Variants in DTNA observed in about 807,000 individuals in gnomAD.
DTNA encodes the protein dystrophin-related protein 3.
In DTNA, 43 loss-of-function variants were observed where a neutral mutation model predicts 100.7. The observed-to-expected ratio is 0.43, with a 90% CI of 0.33 to 0.55. The LOEUF is 0.55. Ranked by LOEUF, DTNA falls within the 20% of genes least tolerant of loss-of-function variation. The pLI, the probability that DTNA is intolerant of heterozygous loss-of-function variation, is 0.04. For synonymous variants in DTNA, 349 were observed against 347.9 expected (o/e 1.00, Z -0.04); for missense variants, 798 against 953.9 (o/e 0.84, Z 2.15).
chr18:34,620,774 G>T (rs1018763219), intron 1 of DTNA, among the ~76,000 whole-genome samples: 1 of 152,078 alleles, frequency 6.6e-6, no homozygotes, highest in Non-Finnish European at 1.5e-5. Flanking sequence ...ATGAGAAACT[G>T]CCCCTATGAT....
At chr18:34,667,850 A>G (rs1177493435) in intron 1 of DTNA, among the ~76,000 whole-genome samples, 1 of 152,192 alleles carries the variant, frequency 6.6e-6, no homozygotes, top group African/African-American at 2.4e-5. Context: ...GGATTTTTGC[A>G]TCGATGTTCA....
chr18:34,875,452 C>T, intron 18 of DTNA, 54 bp downstream of exon 18: 1 of 1,610,818 alleles, frequency 6.2e-7, no homozygotes, highest in South Asian at 1.1e-5. Context: ...AATAGGTCAC[C>T]AAGGTCTATT....
At chr18:34,847,986 T>A (rs2096410256) in intron 13 of DTNA, among the ~76,000 whole-genome samples, 1 of 152,092 alleles carries the variant, frequency 6.6e-6, no homozygotes. Flanking sequence ...AAAGAAAAAA[T>A]GTTAAAGGCA....
chr18:34,712,360 G>A (rs1304668406), intron 1 of DTNA, among the ~76,000 whole-genome samples: 1 of 151,876 alleles, frequency 6.6e-6, no homozygotes, highest in Non-Finnish European at 1.5e-5. Flanking sequence ...TAAAATACAT[G>A]ATAAAGTATA....
chr18:34,529,689 C>T (rs1427981293), intron 1 of DTNA, among the ~76,000 whole-genome samples: 1 of 152,078 alleles, frequency 6.6e-6, no homozygotes, highest in Non-Finnish European at 1.5e-5. Flanking sequence ...CGTTGTCATA[C>T]AGTTATATTT....
At chr18:34,739,662 C>T (rs376030105) in intron 1 of DTNA, among the ~76,000 whole-genome samples, 177 of 152,298 alleles carry the variant, frequency 1.2e-3, no homozygotes, top group African/African-American at 4.1e-3. Context: ...GAAGGAGGAA[C>T]TGGCTCAAAG....
At chr18:34,697,283 A>G (rs1229358888) in intron 1 of DTNA, among the ~76,000 whole-genome samples, 1 of 152,224 alleles carries the variant, frequency 6.6e-6, no homozygotes, top group Non-Finnish European at 1.5e-5. Context: ...TGCAGTAAAC[A>G]AGTAGTGGAC....
chr18:34,667,910 G>T (rs1481536889), intron 1 of DTNA, among the ~76,000 whole-genome samples: 3 of 152,130 alleles, frequency 2.0e-5, no homozygotes, highest in Non-Finnish European at 2.9e-5. Context: ...TCTCTGCCAG[G>T]CTTTGGCATC....
At position 34,805,985 on chromosome 18, in the gene DTNA, A is replaced by G. The variant is rs542364992; in HGVS notation, c.363-234A>G. On this transcript the variant is annotated intron_variant, in intron 4 of 22. Transcript: ENST00000444659. ...AGTGACATATACAAAGAATAAGCTA[A>G]GAGATTCTGATGTCTCTTAAGGAAA... Among the ~76,000 whole-genome samples, 5 of 152,370 alleles carry G rather than the reference A, an allele frequency of 3.3e-5. No homozygotes were observed. In the South Asian group the frequency reaches 8.3e-4, roughly 25 times the overall value.
At chr18:34,657,335 T>C (rs1446998857) in intron 1 of DTNA, among the ~76,000 whole-genome samples, 1 of 152,206 alleles carries the variant, frequency 6.6e-6, no homozygotes, top group Non-Finnish European at 1.5e-5. Context: ...ATGGTACTTT[T>C]TTGGTATTGC....
intron 1 of DTNA, among the ~76,000 whole-genome samples, chr18:34,525,876 C>G (rs1470949273): frequency 6.6e-6 from 1 of 152,158 alleles, no homozygotes; most frequent in Non-Finnish European, 1.5e-5. Context: ...TGTATTTACC[C>G]TGGCTGTGAA....
intron 1 of DTNA, among the ~76,000 whole-genome samples, chr18:34,548,489 C>T (rs932810364): frequency 3.3e-5 from 5 of 152,076 alleles, no homozygotes; most frequent in African/African-American, 4.8e-5. Flanking sequence ...TTTTATAAGG[C>T]ATTTTACAAT....
At chr18:34,820,009 C>T (rs1041800360) in intron 8 of DTNA, among the ~76,000 whole-genome samples, 1 of 142,898 alleles carries the variant, frequency 7.0e-6, no homozygotes, top group Non-Finnish European at 1.5e-5. Context: ...GCAAAAACCG[C>T]AATTGCTTTT....
chr18:34,641,598 A>G (rs2059286828), intron 1 of DTNA, among the ~76,000 whole-genome samples: 1 of 152,216 alleles, frequency 6.6e-6, no homozygotes, highest in African/African-American at 2.4e-5. Context: ...ATCCACTTAT[A>G]GTATGAGATT....
chr18:34,794,313 G>A, intron 4 of DTNA, 63 bp downstream of exon 4: 1 of 1,586,484 alleles, frequency 6.3e-7, no homozygotes, highest in Non-Finnish European at 8.6e-7. Context: ...TGTCTTACTT[G>A]GTCTTTTTCC....
intron 16 of DTNA, among the ~76,000 whole-genome samples, chr18:34,860,235 T>TTG (rs2096605671): frequency 2.2e-5 from 3 of 139,340 alleles, no homozygotes; most frequent in African/African-American, 5.3e-5. Context: ...TTTTTTTTTT[T>TTG]TTTTTTTTTT....
rs147758320 is a variant in DTNA at position 34,549,105 on chromosome 18, A to C, written c.-2+55591A>C. 5.1e-3 allele frequency among the ~76,000 whole-genome samples: 776 copies of C among 152,050 alleles called. 5 individuals are homozygous for C. The highest frequency in any genetic ancestry group is 0.018 in the African/African-American group (744 of 41,492). On this transcript the variant is annotated intron_variant, in intron 1 of 19. Transcript: ENST00000283365. The stretch of plus-strand genomic sequence containing the variant: ...GCTCCTGCCTCCTGGTGTTTTCTTC[A>C]CCCTCTTTCCCTTTCTCTCTCTCTG...
chr18:34,500,689 C>G (rs894410039), intron 1 of DTNA, among the ~76,000 whole-genome samples: 5 of 151,838 alleles, frequency 3.3e-5, no homozygotes, highest in African/African-American at 1.2e-4. Context: ...GTCACGAACT[C>G]CTGACCTCAG....
At chr18:34,681,733 C>CCCA (rs2078159509) in intron 1 of DTNA, among the ~76,000 whole-genome samples, 1 of 147,642 alleles carries the variant, frequency 6.8e-6, no homozygotes, top group Admixed American at 6.7e-5. Flanking sequence ...CACACACACC[C>CCCA]CACACACACA....
Sources: gnomAD v4.1 joint callset for allele counts (sites outside exome capture counted in the v4.1 genomes callset) on GRCh38, gnomAD v4.1.1 for gene constraint, MANE v1.5 for transcripts, NCBI Gene and HGNC (gene_info 2026-07-23, HGNC 2026-07-21) for gene names.